The following EEF1G variants were observed in gnomAD, a reference collection of about 807,000 sequenced individuals.
The protein encoded by EEF1G is eukaryotic translation elongation factor 1 gamma, also known as elongation factor 1-gamma.
Under a neutral mutation model 58.3 loss-of-function variants are expected in EEF1G, and 14 were observed. The observed-to-expected ratio is 0.24, with a 90% CI of 0.16 to 0.38. The LOEUF (loss-of-function observed/expected upper bound fraction) is 0.38. EEF1G is among the 10% of genes least tolerant of loss of function. The probability of loss-of-function intolerance (pLI) is 1.00; values close to 1 mark genes in which losing one functional copy is unlikely to be tolerated. For synonymous variants in EEF1G, 180 were observed against 206.8 expected, an observed-to-expected ratio of 0.87 and a Z score of 1.11; for missense variants, 322 against 550.1, an observed-to-expected ratio of 0.59 and a Z score of 4.15.
At chr11:62,561,671 CAAAAAAAAAACAAAAAA>C (rs1941496687) in intron 7 of EEF1G, among the ~76,000 whole-genome samples, 1 of 82,312 alleles carries the variant, frequency 1.2e-5, no homozygotes, top group African/African-American at 5.4e-5. Flanking sequence ...AAAAAAAAAA[CAAAAAAAAAACAAAAAA>C]AAAAAAAACA....
rs1247211043 is a variant in EEF1G, at chr11:62,560,303, T to G, written c.1009A>C (p.Met337Leu). 6.2e-7 allele frequency: 1 copy of G among 1,613,218 alleles called. No homozygotes were observed. Among genetic ancestry groups the G allele is most frequent in the Non-Finnish European group, 8.5e-7 (1 of 1,179,528 alleles). The change falls in exon 8 of 10, where the codon ATG becomes CTG. Residue 337 changes from methionine (M) to leucine (L), a missense_variant. Transcript: ENST00000329251. ...RFPEELTQTF[M>L]SCNLITGMFQ... ...TTACCAGTGATGAGATTGCAGCTCA[T>G]GAAGGTCTGAGTGAGTTCTTCAGGG...
chr11:62,569,948 C>T (rs545203387), intron 5 of EEF1G, among the ~76,000 whole-genome samples: 1 of 152,176 alleles, frequency 6.6e-6, no homozygotes, highest in African/African-American at 2.4e-5. Context: ...TTATAGATTG[C>T]AAAGAGTAAA....
At chr11:62,571,516 T>G in intron 4 of EEF1G, 24 bp downstream of exon 4, 1 of 1,583,038 alleles carries the variant, frequency 6.3e-7, no homozygotes, top group Non-Finnish European at 8.6e-7. Flanking sequence ...TGCCCCTGGC[T>G]TCTCTCAAAG....
At position 62,569,945 on chromosome 11, in the gene EEF1G, T is replaced by C. The variant is rs534314300; in HGVS notation, c.522+1020A>G. 6.6e-5 allele frequency among the ~76,000 whole-genome samples: 10 copies of C among 152,292 alleles called. No homozygotes were observed. The South Asian group carries it at 1.9e-3, about 28-fold the overall frequency. ...ATTATTACTACCCTGATTTTATAGA[T>C]TGCAAAGAGTAAAAAACAGGACTAA... On this transcript the variant is annotated intron_variant, in intron 5 of 9. Coordinates refer to ENST00000329251, the MANE Select transcript of EEF1G (RefSeq NM_001404.5).
intron 7 of EEF1G, among the ~76,000 whole-genome samples, chr11:62,564,189 G>A (rs1178443564): frequency 1.3e-5 from 2 of 152,322 alleles, no homozygotes; most frequent in South Asian, 4.1e-4. Context: ...GGAGCCAGGG[G>A]CGGTGGCTCA....
chr11:62,561,831 ACTCT>A (rs557947786), intron 7 of EEF1G, among the ~76,000 whole-genome samples: 29 of 151,960 alleles, frequency 1.9e-4, no homozygotes, highest in African/African-American at 6.5e-4. Context: ...TGTAAATAAG[ACTCT>A]CTCTCTAGCT....
At chr11:62,567,246 A>G (rs1450251005) in intron 6 of EEF1G, among the ~76,000 whole-genome samples, 153 bp downstream of exon 6, 1 of 152,226 alleles carries the variant, frequency 6.6e-6, no homozygotes. Context: ...GTATGAGTGT[A>G]CACGAAACTG....
At chr11:62,564,469 A>G (rs1941532538) in intron 7 of EEF1G, among the ~76,000 whole-genome samples, 1 of 151,350 alleles carries the variant, frequency 6.6e-6, no homozygotes, top group African/African-American at 2.4e-5. Context: ...GTCTCACAAA[A>G]AAAAAAAAAA....
At chr11:62,573,493 G>C in intron 1 of EEF1G, 1 of 458,100 alleles carries the variant, frequency 2.2e-6, no homozygotes. Context: ...CCTGTCCCCT[G>C]TGTTACTCCA....
chr11:62,573,165 C>T (rs1257141491), intron 1 of EEF1G: 3 of 158,732 alleles, frequency 1.9e-5, no homozygotes, highest in African/African-American at 7.2e-5. Context: ...TCAAAAGCAT[C>T]GTCCTGTCTC....
intron 2 of EEF1G, among the ~76,000 whole-genome samples, chr11:62,572,223 A>G (rs1015611812): frequency 2.0e-5 from 3 of 152,082 alleles, no homozygotes; most frequent in Non-Finnish European, 2.9e-5. Context: ...TGTGACCCAG[A>G]CCCACACAGC....
intron 7 of EEF1G, among the ~76,000 whole-genome samples, chr11:62,564,184 CA>C (rs949389729): frequency 1.3e-5 from 2 of 152,190 alleles, no homozygotes; most frequent in African/African-American, 4.8e-5. Flanking sequence ...TTGGGGGAGC[CA>C]GGGGCGGTGG....
chr11:62,570,009 A>G (rs1453573878), intron 5 of EEF1G, among the ~76,000 whole-genome samples: 1 of 152,204 alleles, frequency 6.6e-6, no homozygotes, highest in African/African-American at 2.4e-5. Flanking sequence ...CTACATTGGT[A>G]AACAATGAAG....
At chr11:62,569,259 G>C (rs1248661470) in intron 5 of EEF1G, among the ~76,000 whole-genome samples, 1 of 152,114 alleles carries the variant, frequency 6.6e-6, no homozygotes, top group Non-Finnish European at 1.5e-5. Flanking sequence ...ATCACCTGAG[G>C]TCCTCAGGAG....
chr11:62,572,178 C>T (rs960827694), intron 2 of EEF1G, among the ~76,000 whole-genome samples: 1 of 152,052 alleles, frequency 6.6e-6, no homozygotes, highest in Non-Finnish European at 1.5e-5. Context: ...AAAGCAACTC[C>T]TGTATCAATG....
In EEF1G at chr11:62,559,712, G is replaced by C. The variant is rs535359816; in HGVS notation, c.1281C>G (p.Gly427=). 1 of 1,613,954 alleles carries C rather than the reference G, an allele frequency of 6.2e-7. No homozygotes were observed. The highest frequency in any genetic ancestry group is 1.6e-4 in the Middle Eastern group (1 of 6,062). The change falls in exon 10 of 10, where the codon GGC becomes GGG. Residue 427 remains glycine, a synonymous_variant. Coordinates refer to ENST00000329251, the MANE Select transcript of EEF1G (RefSeq NM_001404.5). ...FSWEGAFQHV[G]KAFNQGKIFK is the part of the protein sequence containing the mutation. ...AGATCTTGCCCTGATTGAAGGCTTT[G>C]CCCACATGCTGGAAGGCCCCCTCCC...
chr11:62,569,169 A>G (rs1445791229), intron 5 of EEF1G, among the ~76,000 whole-genome samples: 1 of 152,092 alleles, frequency 6.6e-6, no homozygotes, highest in African/African-American at 2.4e-5. Context: ...ATTCAAACGC[A>G]TTTAGAATAA....
intron 3 of EEF1G, 38 bp downstream of exon 3, chr11:62,571,800 T>C: frequency 6.4e-7 from 1 of 1,572,840 alleles, no homozygotes; most frequent in South Asian, 1.2e-5. Context: ...CACCCTCACC[T>C]CCAAATTCTC....
intron 1 of EEF1G, 100 bp downstream of exon 1, chr11:62,573,731 C>T: frequency 8.5e-6 from 13 of 1,528,622 alleles, no homozygotes; most frequent in Non-Finnish European, 1.2e-5. Context: ...GAATCAGTTC[C>T]CCACTCAACC....
Sources: gnomAD v4.1 joint callset for allele counts (sites outside exome capture counted in the v4.1 genomes callset) on GRCh38, gnomAD v4.1.1 for gene constraint, MANE v1.5 for transcripts, NCBI Gene and HGNC (gene_info 2026-07-23, HGNC 2026-07-21) for gene names.